Variants in SYT9 observed in about 807,000 individuals in gnomAD.
SYT9 encodes the protein synaptotagmin 9, also known as synaptotagmin-9.
Under a neutral mutation model 48.4 loss-of-function variants are expected in SYT9, and 22 were observed. That is an observed-to-expected ratio of 0.45 (90% CI 0.32 to 0.65). The LOEUF is 0.65. Ranked by LOEUF, SYT9 falls within the 30% of genes least tolerant of loss-of-function variation. The pLI, the probability that SYT9 is intolerant of heterozygous loss-of-function variation, is 0.03. For synonymous variants in SYT9, 265 were observed against 245.0 expected (o/e 1.08, Z -0.76); for missense variants, 577 against 622.0 (o/e 0.93, Z 0.77).
intron 1 of SYT9, among the ~76,000 whole-genome samples, chr11:7,294,758 G>A (rs1482401314): frequency 3.3e-5 from 5 of 152,226 alleles, no homozygotes; most frequent in African/African-American, 1.2e-4. Context: ...ACACATCTGG[G>A]CAGCCCTTTC....
intron 6 of SYT9, among the ~76,000 whole-genome samples, chr11:7,464,915 T>C (rs1848302322): frequency 6.6e-6 from 1 of 151,356 alleles, no homozygotes; most frequent in Non-Finnish European, 1.5e-5. Flanking sequence ...ACCCCGTCTC[T>C]ACTAAAAATA....
intron 1 of SYT9, among the ~76,000 whole-genome samples, chr11:7,246,545 C>T (rs1384585429): frequency 2.6e-5 from 4 of 152,184 alleles, no homozygotes; most frequent in South Asian, 2.1e-4. Flanking sequence ...GCTGGTTCCA[C>T]CCTCACCACT....
chr11:7,371,774 T>A (rs1287832705), intron 3 of SYT9, among the ~76,000 whole-genome samples: 4 of 152,192 alleles, frequency 2.6e-5, no homozygotes, highest in South Asian at 2.1e-4. Flanking sequence ...TGGAGGATTC[T>A]TTTGTTCAGC....
intron 1 of SYT9, among the ~76,000 whole-genome samples, chr11:7,263,902 G>C (rs1253685504): frequency 3.3e-5 from 5 of 152,050 alleles, no homozygotes; most frequent in Non-Finnish European, 5.9e-5. Flanking sequence ...AGGAGAAACT[G>C]ATTCAAAGGA....
intron 1 of SYT9, among the ~76,000 whole-genome samples, chr11:7,276,825 A>G (rs1032844371): frequency 1.3e-5 from 2 of 152,070 alleles, no homozygotes; most frequent in Admixed American, 6.5e-5. Flanking sequence ...AGGCGGGTGG[A>G]TCACGAGGTC....
chr11:7,324,046 T>C (rs1849384290), intron 3 of SYT9, among the ~76,000 whole-genome samples: 1 of 152,032 alleles, frequency 6.6e-6, no homozygotes, highest in African/African-American at 2.4e-5. Flanking sequence ...TAGAACTTTC[T>C]AGTATAACTT....
At chr11:7,364,813 G>A (rs1463411884) in intron 3 of SYT9, among the ~76,000 whole-genome samples, 1 of 152,134 alleles carries the variant, frequency 6.6e-6, no homozygotes, top group East Asian at 1.9e-4. Flanking sequence ...GCATCACTAG[G>A]ACTAAAATAG....
rs1162500760 is a variant in SYT9, at chr11:7,468,084, T to G, written c.*1284T>G. 3 of 391,650 alleles carry G rather than the reference T, an allele frequency of 7.7e-6. No homozygotes were observed. Among genetic ancestry groups the G allele is most frequent in the Non-Finnish European group, 1.4e-5 (3 of 222,052 alleles). 24.3% of individuals were successfully genotyped at this position (391,650 alleles called of 1,614,324 possible). On this transcript the variant is annotated 3_prime_UTR_variant, in exon 7 of 7. Coordinates refer to ENST00000318881, the MANE Select transcript of SYT9 (RefSeq NM_175733.4). ...ATGGTCCTCTCTGTCCCATTATAGG[T>G]GCAAGGCACCCCATCCACACATTTG...
intron 6 of SYT9, among the ~76,000 whole-genome samples, chr11:7,429,028 C>T (rs1363239243): frequency 1.3e-5 from 2 of 152,174 alleles, no homozygotes; most frequent in Non-Finnish European, 2.9e-5. Flanking sequence ...TTAGTACTCA[C>T]ACTCCAGCAA....
rs952494562 is a variant in SYT9, at chr11:7,302,575, G to T, written c.146-464G>T. On this transcript the variant is annotated intron_variant, in intron 1 of 6. Transcript: ENST00000318881. ...AAAATAGAACCAAAAAAGCACTCTA[G>T]TTTCTCGTATTTTAAAAAGTTATGA... 2.6e-5 allele frequency among the ~76,000 whole-genome samples: 4 copies of T among 152,168 alleles called. No individual in the cohort carries two copies. The East Asian group carries it at 7.7e-4, about 29-fold the overall frequency.
At chr11:7,299,069 T>A (rs1848865430) in intron 1 of SYT9, among the ~76,000 whole-genome samples, 1 of 152,234 alleles carries the variant, frequency 6.6e-6, no homozygotes. Context: ...ATGTCACGAC[T>A]ATTTTTAATG....
chr11:7,392,583 T>C (rs201190430), intron 3 of SYT9, among the ~76,000 whole-genome samples: 1 of 77,422 alleles, frequency 1.3e-5, no homozygotes, highest in African/African-American at 3.3e-5. Flanking sequence ...ATTCAGGCTG[T>C]TTTTTTTATT....
intron 1 of SYT9, among the ~76,000 whole-genome samples, chr11:7,241,622 T>C (rs1238540765): frequency 3.9e-5 from 6 of 152,196 alleles, no homozygotes; most frequent in African/African-American, 1.2e-4. Context: ...ATTAGGATCA[T>C]GGATTGATTG....
chr11:7,348,010 G>T (rs903895081), intron 3 of SYT9, among the ~76,000 whole-genome samples: 2 of 152,172 alleles, frequency 1.3e-5, no homozygotes, highest in African/African-American at 4.8e-5. Flanking sequence ...GTGAGGGGAA[G>T]GGGGAGACAT....
At chr11:7,391,355 A>G (rs992929778) in intron 3 of SYT9, among the ~76,000 whole-genome samples, 9 of 152,044 alleles carry the variant, frequency 5.9e-5, no homozygotes, top group African/African-American at 1.9e-4. Flanking sequence ...TGGTAGTTCT[A>G]TTTTTAGTTC....
chr11:7,352,713 A>G (rs1012037714), intron 3 of SYT9, among the ~76,000 whole-genome samples: 4 of 152,208 alleles, frequency 2.6e-5, no homozygotes, highest in Non-Finnish European at 5.9e-5. Context: ...AGACACACCT[A>G]TGAAAAGCTG....
intron 6 of SYT9, chr11:7,437,913 G>A (rs1847742958): frequency 6.6e-6 from 1 of 152,240 alleles, no homozygotes; most frequent in South Asian, 2.1e-4. Context: ...GGCAATTCTT[G>A]TTGGAGGTAT....
chr11:7,266,716 G>C (rs1027283430), intron 1 of SYT9, among the ~76,000 whole-genome samples: 1 of 152,028 alleles, frequency 6.6e-6, no homozygotes, highest in Non-Finnish European at 1.5e-5. Flanking sequence ...AACAAAACAG[G>C]AGCTCTACTT....
At chr11:7,414,318 G>A (rs892865354) in intron 3 of SYT9, among the ~76,000 whole-genome samples, 10 of 152,216 alleles carry the variant, frequency 6.6e-5, no homozygotes, top group East Asian at 1.9e-4. Flanking sequence ...GCTAGGTGCC[G>A]TGAAAAGCCT....
Sources: gnomAD v4.1 joint callset for allele counts (sites outside exome capture counted in the v4.1 genomes callset) on GRCh38, gnomAD v4.1.1 for gene constraint, MANE v1.5 for transcripts, NCBI Gene and HGNC (gene_info 2026-07-23, HGNC 2026-07-21) for gene names.